Variants in PTCH1 observed in about 807,000 individuals in gnomAD.
PTCH1 encodes patched 1.
Under a neutral mutation model 144.6 loss-of-function variants are expected in PTCH1, and 14 were observed. The observed-to-expected ratio is 0.10, with a 90% confidence interval of 0.06 to 0.15. The LOEUF (loss-of-function observed/expected upper bound fraction) is 0.15. PTCH1 is among the 10% of genes least tolerant of loss of function. The pLI, the probability that PTCH1 is intolerant of heterozygous loss-of-function variation, is 1.00. For missense variants in PTCH1, 1,623 were observed against 1,948.3 expected, an observed-to-expected ratio of 0.83 and a Z score of 3.14; for synonymous variants, 833 against 793.6, an observed-to-expected ratio of 1.05 and a Z score of -0.83.
intron 15 of PTCH1, among the ~76,000 whole-genome samples, chr9:95,463,114 G>GTTC (rs939990549): frequency 2.6e-4 from 40 of 152,018 alleles, no homozygotes; most frequent in African/African-American, 9.2e-4. Flanking sequence ...CGGCTAGTAA[G>GTTC]AAGGGAGAAG....
intron 2 of PTCH1, among the ~76,000 whole-genome samples, chr9:95,486,831 T>C (rs1458838213): frequency 1.3e-5 from 2 of 152,174 alleles, no homozygotes; most frequent in African/African-American, 4.8e-5. Context: ...GGCTGGGAGG[T>C]GTCTCAGGGA....
chr9:95,500,058 A>G (rs1843046695), intron 2 of PTCH1, among the ~76,000 whole-genome samples: 1 of 152,180 alleles, frequency 6.6e-6, no homozygotes, highest in Admixed American at 6.5e-5. Context: ...GGCATTGTGG[A>G]AACCAGACAA....
chr9:95,463,376 C>T (rs28571635), intron 15 of PTCH1, among the ~76,000 whole-genome samples: 30,333 of 151,442 alleles, frequency 0.2, 3,239 homozygotes, highest in Non-Finnish European at 0.22. Flanking sequence ...GGAGGGGAGA[C>T]GGGACAGGAG....
At chr9:95,480,193 T>G (rs558940423) in intron 6 of PTCH1, 103 bp from the exon 7 acceptor site, 3 of 1,580,446 alleles carry the variant, frequency 1.9e-6, no homozygotes, top group African/African-American at 1.3e-5. Flanking sequence ...AGAGAGAACA[T>G]TAATAGCAAG....
Position 95,458,419 on chromosome 9 carries a change from A to C in PTCH1, c.2888-126T>G. 1 of 1,259,060 alleles carries C rather than the reference A, an allele frequency of 7.9e-7. No individual in the cohort carries two copies. The highest frequency in any genetic ancestry group is 1.1e-6 in the Non-Finnish European group (1 of 885,582). 78.0% of individuals were successfully genotyped at this position (1,259,060 alleles called of 1,614,324 possible). A position where few individuals can be genotyped will look rare whatever the true frequency, so the allele number is the denominator to read the frequency against. ...CTCTTCTACATGATACAAAGAACAA[A>C]CAATGCTGATCATAGCCTCCAGGCC... On this transcript the variant is annotated intron_variant, in intron 17 of 23. Coordinates refer to ENST00000331920, the MANE Select transcript of PTCH1 (RefSeq NM_000264.5). This position sits in a 1 kb window ranked among gnomAD's most constrained non-coding sequence, Gnocchi z 4.7.
chr9:95,506,389 C>T lies in PTCH1; in HGVS notation c.394+18G>A, dbSNP rs749589611. The T allele has an allele frequency of 2.5e-6, 4 of 1,607,704 alleles. No individual in the cohort carries two copies. Among genetic ancestry groups the T allele is most frequent in the Non-Finnish European group, 3.4e-6 (4 of 1,177,918 alleles). The stretch of plus-strand genomic sequence containing the variant: ...GGGACCGGGCCGGGGGCGCGGGCGC[C>T]GCGGCGGGCGCTCTTACCTTCCACC... On this transcript the variant is annotated intron_variant, in intron 2 of 23. Transcript: ENST00000331920.
At chr9:95,506,301 G>A (rs900216069) in intron 2 of PTCH1, 106 bp downstream of exon 2, 44 of 1,329,450 alleles carry the variant, frequency 3.3e-5, no homozygotes, top group Middle Eastern at 2.6e-4. Flanking sequence ...CGGGCAGGGG[G>A]TTTCGCCGGC....
chr9:95,485,012 C>A (rs1449001512), intron 3 of PTCH1, among the ~76,000 whole-genome samples: 5 of 152,082 alleles, frequency 3.3e-5, no homozygotes, highest in Admixed American at 1.3e-4. Context: ...TCGAGACTAG[C>A]CTGGCCAAAA....
intron 2 of PTCH1, among the ~76,000 whole-genome samples, chr9:95,493,965 T>C (rs567356802): frequency 2.6e-5 from 4 of 151,928 alleles, no homozygotes; most frequent in Non-Finnish European, 5.9e-5. Context: ...CGTGTTGCCA[T>C]GGGAAAAACG....
At chr9:95,495,609 T>C (rs1302973780) in intron 2 of PTCH1, among the ~76,000 whole-genome samples, 2 of 152,082 alleles carry the variant, frequency 1.3e-5, no homozygotes, top group Admixed American at 6.5e-5. Flanking sequence ...TGCTGAAACC[T>C]TATATTTTGT....
rs942790444 is a variant in PTCH1 at position 95,497,536 on chromosome 9, C to T, written c.394+8871G>A. ...ACCCACCCGGGAGGGCTTCCTCTCA[C>T]GGAGGAGGTCATCTTGGAGGCTCGG... is the stretch of plus-strand genomic sequence containing the variant. On this transcript the variant is annotated intron_variant, in intron 2 of 23. Transcript: ENST00000331920. 1.2e-4 allele frequency among the ~76,000 whole-genome samples: 18 copies of T among 152,212 alleles called. No individual in the cohort carries two copies. In the South Asian group the frequency reaches 2.3e-3, roughly 19 times the overall value.
At chr9:95,512,160 C>G (rs1844189467), upstream of PTCH1, among the ~76,000 whole-genome samples, 1 of 152,198 alleles carries the variant, frequency 6.6e-6, no homozygotes, top group South Asian at 2.1e-4. Context: ...AGTGGCAAAG[C>G]CTCTTCCACT....
At chr9:95,506,629 C>G (rs1322920223) in intron 1 of PTCH1, 30 bp from the exon 2 acceptor site, 2 of 1,553,472 alleles carry the variant, frequency 1.3e-6, no homozygotes, top group African/African-American at 1.4e-5. Flanking sequence ...GAGGAGTGAG[C>G]GCCGGGGAGT....
chr9:95,471,288 A>T (rs1840559147), intron 12 of PTCH1, among the ~76,000 whole-genome samples: 1 of 152,208 alleles, frequency 6.6e-6, no homozygotes, highest in African/African-American at 2.4e-5. Context: ...TGAACCAGCA[A>T]GCCTGAGTTC....
In PTCH1 at chr9:95,444,518, C is replaced by CAA. The variant is rs1269374089; in HGVS notation, c.*1874_*1875insTT. On this transcript the variant is annotated 3_prime_UTR_variant, in exon 24 of 24. Coordinates refer to ENST00000331920, the MANE Select transcript of PTCH1 (RefSeq NM_000264.5). ...ACACACACGCACGCACGCACACACA[C>CAA]ACACACACACCCAGCAGCCACAAGC... 6.5e-6 allele frequency: 1 copy of CAA among 153,336 alleles called. No homozygotes were observed. Among genetic ancestry groups the CAA allele is most frequent in the Non-Finnish European group, 1.4e-5 (1 of 69,000 alleles). 9.5% of individuals were successfully genotyped at this position (153,336 alleles called of 1,614,324 possible). A position where few individuals can be genotyped will look rare whatever the true frequency, so the allele number is the denominator to read the frequency against.
chr9:95,470,963 G>T (rs1045982114), intron 12 of PTCH1, among the ~76,000 whole-genome samples: 3 of 152,026 alleles, frequency 2.0e-5, no homozygotes, highest in African/African-American at 2.4e-5. Flanking sequence ...CATGCCTGTA[G>T]TCCCAGCTAC....
In PTCH1 at chr9:95,445,003, G is replaced by A. The variant is rs1367375360; in HGVS notation, c.*1390C>T. On this transcript the variant is annotated 3_prime_UTR_variant, in exon 24 of 24. Transcript: ENST00000331920. ...GAGCACTAATGACGGGGAGGATGGA[G>A]ACAATGTTTGGATTTACTTAGGAAG... The A allele has an allele frequency of 1.3e-5, 2 of 152,236 alleles. No homozygotes were observed. Among genetic ancestry groups the A allele is most frequent in the Non-Finnish European group, 2.9e-5 (2 of 68,064 alleles). The allele number at this position is 152,236 out of a possible 1,614,324, so 9.4% of individuals were successfully genotyped here. A position where few individuals can be genotyped will look rare whatever the true frequency, so the allele number is the denominator to read the frequency against.
In PTCH1 at chr9:95,485,770, C is replaced by T. The variant is rs149547604; in HGVS notation, c.499G>A (p.Ala167Thr). The change falls in exon 3 of 24, where the codon GCT (alanine) becomes ACT (threonine). Residue 167 changes from alanine (A) to threonine (T), a missense_variant. By Grantham distance (58) the Ala-to-Thr change is moderately conservative. Around this residue, in one of 7 missense-constraint regions of PTCH1, gnomAD observed 245 missense variants for 240.6 expected, o/e 1.02. Coordinates refer to ENST00000331920, the MANE Select transcript of PTCH1 (RefSeq NM_000264.5). ...LMIQTPKEEG[A>T]NVLTTEALLQ... is the part of the protein sequence containing the mutation. Reference sequence around the variant, plus strand: ...AGCGCTTCTGTGGTCAGGACATTAGCACCTTCTTCTTTAGGGGTCTGTATC... The same window carrying T: ...AGCGCTTCTGTGGTCAGGACATTAGTACCTTCTTCTTTAGGGGTCTGTATC... 36 of 1,614,092 alleles carry T rather than the reference C, an allele frequency of 2.2e-5. No individual in the cohort carries two copies. In the African/African-American group the frequency reaches 4.4e-4, roughly 20 times the overall value.
Position 95,458,609 on chromosome 9 carries a change from C to A in PTCH1, c.2888-316G>T, listed in dbSNP as rs1055270686. Among the ~76,000 whole-genome samples, 3 of 152,142 alleles carry A rather than the reference C, an allele frequency of 2.0e-5. No homozygotes were observed. Among genetic ancestry groups the A allele is most frequent in the Admixed American group, 6.5e-5 (1 of 15,280 alleles). ...GTTCCCTTGACACATATGAAAATAC[C>A]AAGTTCACACAGTTTTATTCAATCA... On this transcript the variant is annotated intron_variant, in intron 17 of 23. Transcript: ENST00000331920. This position sits in a 1 kb window ranked among gnomAD's most constrained non-coding sequence, Gnocchi z 4.7.
Sources: gnomAD v4.1 joint callset for allele counts (sites outside exome capture counted in the v4.1 genomes callset) on GRCh38, gnomAD v4.1.1 for gene constraint, gnomAD v4.1.1 regional missense constraint, Gnocchi (gnomAD v3.1) non-coding constraint, MANE v1.5 for transcripts, NCBI Gene and HGNC (gene_info 2026-07-23, HGNC 2026-07-21) for gene names.